The following SERPINB3 variants were observed in gnomAD, a reference collection of about 807,000 sequenced individuals.
SERPINB3 encodes the protein serpin family B member 3.
SERPINB3 carries 33 observed loss-of-function variants against 33.0 expected under a neutral mutation model. That is an observed-to-expected ratio of 1.00 (90% CI 0.76 to 1.34). The LOEUF (loss-of-function observed/expected upper bound fraction) is 1.34, where lower values mean the gene tolerates loss of function less well. Ranked by LOEUF, SERPINB3 falls within the 40% of genes most tolerant of loss-of-function variation. The pLI is 0.00. For missense variants in SERPINB3, 518 were observed against 461.5 expected (o/e 1.12, Z -1.12); for synonymous variants, 200 against 170.9 (o/e 1.17, Z -1.33).
intron 1 of SERPINB3, among the ~76,000 whole-genome samples, chr18:63,661,627 A>C (rs1913649154): frequency 6.6e-6 from 1 of 151,310 alleles, no homozygotes; most frequent in Non-Finnish European, 1.5e-5. Context: ...GCTGCAAGGC[A>C]CTCTCCCTCT....
chr18:63,656,136 G>A, intron 7 of SERPINB3, 75 bp from the exon 8 acceptor site: 1 of 1,508,380 alleles, frequency 6.6e-7, no homozygotes, highest in Non-Finnish European at 8.9e-7. Flanking sequence ...AATTGACTAT[G>A]TGGAGAATCC....
chr18:63,659,476 A>T lies in SERPINB3; in HGVS notation c.274T>A (p.Phe92Ile), dbSNP rs766098975. The T allele has an allele frequency of 6.2e-6, 10 of 1,613,530 alleles. No homozygotes were observed. In the Admixed American group the frequency reaches 8.3e-5, roughly 13 times the overall value. The change falls in exon 4 of 8, where the codon TTC becomes ATC. Residue 92 changes from phenylalanine to isoleucine, a missense_variant. Physicochemically the swap from Phe to Ile is conservative, Grantham distance 21. Coordinates refer to ENST00000283752, the MANE Select transcript of SERPINB3 (RefSeq NM_006919.3). ...HHQFQKLLTEFNKSTDAYELK... is the reference protein window; with the variant it reads ...HHQFQKLLTEINKSTDAYELK... ...TCATATGCATCAGTGGATTTGTTGA[A>T]TTCAGTCAGAAGCTTTTGAAACTGG...
intron 3 of SERPINB3, among the ~76,000 whole-genome samples, chr18:63,660,360 A>T (rs907401496): frequency 2.0e-5 from 3 of 152,166 alleles, no homozygotes; most frequent in Non-Finnish European, 4.4e-5. Context: ...TGATTAGTAT[A>T]ATTATAGCTA....
chr18:63,660,638 A>G (rs1461793081), intron 3 of SERPINB3, 162 bp downstream of exon 3: 2 of 773,950 alleles, frequency 2.6e-6, no homozygotes, highest in Non-Finnish European at 4.3e-6. Flanking sequence ...AAGGAGGAAT[A>G]ATAATTATGT....
rs182572810 is a variant in SERPINB3 at position 63,657,202 on chromosome 18, G to T, written c.612+68C>A. 8.9e-4 allele frequency: 833 copies of T among 937,676 alleles called. 1 individual carries two copies. Among genetic ancestry groups the T allele is most frequent in the Non-Finnish European group, 1.2e-3 (768 of 648,684 alleles). 58.1% of individuals were successfully genotyped at this position (937,676 alleles called of 1,614,324 possible). A position where few individuals can be genotyped will look rare whatever the true frequency, so the allele number is the denominator to read the frequency against. On this transcript the variant is annotated intron_variant, in intron 6 of 7. Coordinates refer to ENST00000283752, the MANE Select transcript of SERPINB3 (RefSeq NM_006919.3). ...ACAATTTTATTTTTTACTTGTCATG[G>T]TACATTCCATCAGAAATGTTTAAAT... is the stretch of plus-strand genomic sequence containing the variant.
chr18:63,658,169 T>G (rs1350974676), intron 5 of SERPINB3, among the ~76,000 whole-genome samples: 2 of 152,164 alleles, frequency 1.3e-5, no homozygotes, highest in African/African-American at 2.4e-5. Context: ...TGTTTCCTTT[T>G]AAATATTCAT....
chr18:63,658,619 A>G lies in SERPINB3; in HGVS notation c.363T>C (p.Asp121=). 1 of 1,610,780 alleles carries G rather than the reference A, an allele frequency of 6.2e-7. No homozygotes were observed. Among genetic ancestry groups the G allele is most frequent in the Non-Finnish European group, 8.5e-7 (1 of 1,177,176 alleles). ...TGGTCTGGTAAAATTTCTTGATGGC[A>G]TCTAAATATTCCTTTGAGATATGAA... The part of the protein sequence containing the change: ...KTYLFLQEYL[D]AIKKFYQTSV... Residue 121 remains aspartate (D), a synonymous_variant, in exon 5 of 8, where the codon GAT becomes GAC. Transcript: ENST00000283752.
chr18:63,661,587 C>T (rs545976656), intron 1 of SERPINB3, among the ~76,000 whole-genome samples: 5 of 151,838 alleles, frequency 3.3e-5, no homozygotes, highest in East Asian at 1.9e-4. Flanking sequence ...TGTTAAGATG[C>T]GTCCCTGACA....
intron 2 of SERPINB3, 53 bp downstream of exon 2, chr18:63,660,999 G>A (rs1236222912): frequency 8.1e-6 from 13 of 1,610,976 alleles, no homozygotes; most frequent in East Asian, 4.5e-5. Flanking sequence ...CGTGCTAGCC[G>A]ACGGAACCAG....
Position 63,656,947 on chromosome 18 carries a change from A to C in SERPINB3, c.652T>G (p.Ser218Ala). ...KSIQMMRQYT[S>A]FHFASLEDVQ... Reference sequence around the variant, plus strand: ...TCCTCCAGCGAGGCAAAATGAAAAGATGTGTATTGCCTCATCATCTGTATG... The same window carrying C: ...TCCTCCAGCGAGGCAAAATGAAAAGCTGTGTATTGCCTCATCATCTGTATG... The change falls in exon 7 of 8, where the codon TCT becomes GCT. Residue 218 changes from serine (S) to alanine (A), a missense_variant. Coordinates refer to ENST00000283752, the MANE Select transcript of SERPINB3 (RefSeq NM_006919.3). The C allele has an allele frequency of 3.1e-6, 5 of 1,613,278 alleles. No homozygotes were observed. Among genetic ancestry groups the C allele is most frequent in the Non-Finnish European group, 4.2e-6 (5 of 1,179,492 alleles).
At chr18:63,656,100 T>C (rs1008507005) in intron 7 of SERPINB3, 39 bp from the exon 8 acceptor site, 1 of 1,593,190 alleles carries the variant, frequency 6.3e-7, no homozygotes, top group African/African-American at 1.3e-5. Flanking sequence ...TGACTAACTG[T>C]TGATTTCTAA....
In SERPINB3 at chr18:63,655,671, A is replaced by G; in HGVS notation, c.1159T>C (p.Phe387Leu). The change falls in exon 8 of 8, where the codon TTC (phenylalanine) becomes CTC (leucine). Residue 387 changes from phenylalanine to leucine, a missense_variant. By Grantham distance (22) the Phe-to-Leu change is conservative (BLOSUM62 0). Transcript: ENST00000283752. ...ACTAATTGCATCTACGGGGATGAGA[A>G]TCTGCCATAGAAGAGGATGCTGTTG... is the stretch of plus-strand genomic sequence containing the variant. ...KTNSILFYGR[F>L]SSP 1 of 1,608,436 alleles carries G rather than the reference A, an allele frequency of 6.2e-7. No homozygotes were observed. Among genetic ancestry groups the G allele is most frequent in the East Asian group, 2.2e-5 (1 of 44,788 alleles).
At chr18:63,659,611 T>A in intron 3 of SERPINB3, 84 bp from the exon 4 acceptor site, 3 of 1,574,700 alleles carry the variant, frequency 1.9e-6, no homozygotes, top group Admixed American at 1.7e-5. Context: ...GATCAGTCCC[T>A]AATGGCTGGT....
At chr18:63,660,741 G>A in intron 3 of SERPINB3, 59 bp downstream of exon 3, 1 of 1,609,006 alleles carries the variant, frequency 6.2e-7, no homozygotes, top group Non-Finnish European at 8.5e-7. Context: ...TGAAGTTCCA[G>A]GTTCAAACTA....
At position 63,657,136 on chromosome 18, in the gene SERPINB3, A is replaced by T; in HGVS notation, c.612+134T>A. 7 of 916,826 alleles carry T rather than the reference A, an allele frequency of 7.6e-6. No individual in the cohort carries two copies. In the South Asian group the frequency reaches 1.5e-4, roughly 20 times the overall value. The allele number at this position is 916,826 out of a possible 1,614,324, so 56.8% of individuals were successfully genotyped here. A position where few individuals can be genotyped will look rare whatever the true frequency, so the allele number is the denominator to read the frequency against. On this transcript the variant is annotated intron_variant, in intron 6 of 7. Transcript: ENST00000283752. ...TAGCTTCTTCAGGAATTCCTAACTAAATAAAGTTATAAGACTAAAACAACA... is the reference window on the plus strand; with the variant it reads ...TAGCTTCTTCAGGAATTCCTAACTATATAAAGTTATAAGACTAAAACAACA...
rs188498386 is a variant in SERPINB3, at chr18:63,659,894, T to C, written c.223-367A>G. 7.6e-4 allele frequency among the ~76,000 whole-genome samples: 115 copies of C among 152,274 alleles called. 1 individual carries two copies. In the East Asian group the frequency reaches 9.1e-3, roughly 12 times the overall value. On this transcript the variant is annotated intron_variant, in intron 3 of 7. Transcript: ENST00000283752. ...TCACTTCTAACAGTCATCAAGGATA[T>C]GAGTATGTTGAAGGTTGGATATTTT...
Position 63,659,424 on chromosome 18 carries a change from C to T in SERPINB3, c.326G>A (p.Gly109Glu). 3.7e-6 allele frequency: 6 copies of T among 1,613,474 alleles called. No individual in the cohort carries two copies. Among genetic ancestry groups the T allele is most frequent in the South Asian group, 2.2e-5 (2 of 91,060 alleles). Reference protein sequence around the residue: ...YELKIANKLFGEKTYLFLQEY... With the variant: ...YELKIANKLFEEKTYLFLQEY... ...CTGTAAAAATAGATACGTTTTTTCT[C>T]CGAAGAGCTTGTTGGCGATCTTCAG... Residue 109 changes from glycine to glutamate, a missense_variant, in exon 4 of 8, where the codon GGA becomes GAA. Gly to Glu is a moderately conservative substitution (Grantham distance 98). Coordinates refer to ENST00000283752, the MANE Select transcript of SERPINB3 (RefSeq NM_006919.3).
rs1199757208 is a variant in SERPINB3 at position 63,655,365 on chromosome 18, CAG to C, written c.*290_*291del. On this transcript the variant is annotated 3_prime_UTR_variant, in exon 8 of 8. Transcript: ENST00000283752. ...TGGTTCATTTAAAACAGGTCACAAA[CAG>C]AATTATATTTCAAATTTAGAAGATA... is the stretch of plus-strand genomic sequence containing the variant. 4.3e-5 allele frequency: 12 copies of C among 278,678 alleles called. No individual in the cohort carries two copies. The highest frequency in any genetic ancestry group is 2.7e-5 in the Non-Finnish European group (4 of 149,074). The allele number at this position is 278,678 out of a possible 1,614,324, so 17.3% of individuals were successfully genotyped here. A position where few individuals can be genotyped will look rare whatever the true frequency, so the allele number is the denominator to read the frequency against.
chr18:63,657,852 G>C (rs540151616), intron 5 of SERPINB3, among the ~76,000 whole-genome samples: 3 of 150,778 alleles, frequency 2.0e-5, no homozygotes, highest in African/African-American at 7.3e-5. Context: ...AGTGACATGA[G>C]CTCTGTAATA....
Sources: gnomAD v4.1 joint callset for allele counts (sites outside exome capture counted in the v4.1 genomes callset) on GRCh38, gnomAD v4.1.1 for gene constraint, MANE v1.5 for transcripts, NCBI Gene and HGNC (gene_info 2026-07-23, HGNC 2026-07-21) for gene names.